The following NEMP2 variants were observed in gnomAD, a reference collection of about 807,000 sequenced individuals.
NEMP2 encodes the protein nuclear envelope integral membrane protein 2.
NEMP2 carries 53 observed loss-of-function variants against 54.2 expected under a neutral mutation model. That is an observed-to-expected ratio of 0.98 (90% CI 0.78 to 1.23). The LOEUF (loss-of-function observed/expected upper bound fraction) is 1.23, where lower values mean the gene tolerates loss of function less well. Ranked by LOEUF, NEMP2 falls within the 50% of genes most tolerant of loss-of-function variation. The pLI, the probability that NEMP2 is intolerant of heterozygous loss-of-function variation, is 0.00. For missense variants in NEMP2, 455 were observed against 511.3 expected (o/e 0.89, Z 1.06); for synonymous variants, 197 against 190.3 (o/e 1.04, Z -0.29).
At chr2:190,551,829 T>C in the NEMP2 span, among the ~76,000 whole-genome samples, 2 of 152,220 alleles carry the variant, frequency 1.3e-5, no homozygotes, top group Non-Finnish European at 1.5e-5. Context: ...TCTGTTGTTT[T>C]TATGTATTAA....
the NEMP2 span, among the ~76,000 whole-genome samples, chr2:190,569,731 TTAAG>T: frequency 6.6e-6 from 1 of 152,252 alleles, no homozygotes; most frequent in Non-Finnish European, 1.5e-5. Flanking sequence ...ATGTGAATAA[TTAAG>T]TCATTTTTTA....
At chr2:190,565,448 G>T in the NEMP2 span, among the ~76,000 whole-genome samples, 1 of 152,284 alleles carries the variant, frequency 6.6e-6, no homozygotes, top group Middle Eastern at 3.4e-3. Flanking sequence ...TCTTGGGTTG[G>T]GTTCCTTGAG....
At chr2:190,495,602 A>G in the NEMP2 span, among the ~76,000 whole-genome samples, 2 of 152,212 alleles carry the variant, frequency 1.3e-5, no homozygotes, top group East Asian at 3.8e-4. The surrounding 1 kb of genome is among the most constrained non-coding windows in gnomAD (Gnocchi z 4.7). Context: ...AAACTATACT[A>G]TAAGGCCATA....
chr2:190,502,718 G>A (rs1160447111), downstream of NEMP2, among the ~76,000 whole-genome samples: 3 of 152,142 alleles, frequency 2.0e-5, no homozygotes, highest in Non-Finnish European at 2.9e-5. This position sits in a 1 kb window ranked among gnomAD's most constrained non-coding sequence, Gnocchi z 4.4. Context: ...CATTACTTAG[G>A]CAATATTCCT....
At chr2:190,599,969 A>G in the NEMP2 span, among the ~76,000 whole-genome samples, 20 of 152,340 alleles carry the variant, frequency 1.3e-4, no homozygotes, top group East Asian at 2.1e-3. Context: ...TTATGGGAGC[A>G]CAGCGGCTTT....
chr2:190,583,432 C>T, the NEMP2 span, among the ~76,000 whole-genome samples: 3 of 152,154 alleles, frequency 2.0e-5, no homozygotes, highest in South Asian at 2.1e-4. Context: ...AGATTTTAAA[C>T]GCCTGTTTTG....
the NEMP2 span, among the ~76,000 whole-genome samples, chr2:190,447,271 T>C: frequency 6.6e-6 from 1 of 152,226 alleles, no homozygotes; most frequent in Non-Finnish European, 1.5e-5. The surrounding 1 kb of genome is among the most constrained non-coding windows in gnomAD (Gnocchi z 4.5). Flanking sequence ...GTTTTGCTTT[T>C]AGCCAAAAGG....
At chr2:190,450,521 C>G in the NEMP2 span, among the ~76,000 whole-genome samples, 1 of 87,636 alleles carries the variant, frequency 1.1e-5, no homozygotes, top group Non-Finnish European at 2.1e-5. Context: ...AGACAGGGGT[C>G]TCACTCTGTC....
chr2:190,544,974 A>G, the NEMP2 span, among the ~76,000 whole-genome samples: 1 of 150,868 alleles, frequency 6.6e-6, no homozygotes, highest in East Asian at 1.9e-4. Flanking sequence ...GTAGTGGCAC[A>G]CACCTGTAGT....
the NEMP2 span, among the ~76,000 whole-genome samples, chr2:190,478,932 G>A: frequency 6.6e-6 from 1 of 152,014 alleles, no homozygotes; most frequent in Non-Finnish European, 1.5e-5. Flanking sequence ...CTATCTAGAG[G>A]GTAGCTGAAA....
At chr2:190,560,175 G>C in the NEMP2 span, among the ~76,000 whole-genome samples, 3 of 152,208 alleles carry the variant, frequency 2.0e-5, no homozygotes, top group South Asian at 6.2e-4. This position sits in a 1 kb window ranked among gnomAD's most constrained non-coding sequence, Gnocchi z 5.4. Context: ...TCTTCAGCCT[G>C]GAAAGAGGAC....
At chr2:190,578,757 T>C in the NEMP2 span, among the ~76,000 whole-genome samples, 6 of 149,990 alleles carry the variant, frequency 4.0e-5, no homozygotes, top group African/African-American at 1.5e-4. The surrounding 1 kb of genome is among the most constrained non-coding windows in gnomAD (Gnocchi z 4.4). Flanking sequence ...TACAGCAGGG[T>C]GTGGAGTGCA....
the NEMP2 span, among the ~76,000 whole-genome samples, chr2:190,485,749 C>T: frequency 6.6e-6 from 1 of 151,290 alleles, no homozygotes; most frequent in African/African-American, 2.4e-5. This position sits in a 1 kb window ranked among gnomAD's most constrained non-coding sequence, Gnocchi z 5.1. Context: ...TATTTGACTT[C>T]TTAGGAAATT....
chr2:190,478,231 G>GTT, the NEMP2 span, among the ~76,000 whole-genome samples: 3 of 152,110 alleles, frequency 2.0e-5, no homozygotes, highest in Non-Finnish European at 4.4e-5. Flanking sequence ...CTAGCTACTG[G>GTT]TCTGAAGCCA....
At chr2:190,427,561 T>A in the NEMP2 span, among the ~76,000 whole-genome samples, 1 of 152,232 alleles carries the variant, frequency 6.6e-6, no homozygotes, top group Non-Finnish European at 1.5e-5. Context: ...ATACTTGTGT[T>A]GTTCCTTGGG....
Position 190,519,247 on chromosome 2 carries a change from G to T in NEMP2, c.214-64C>A. The T allele has an allele frequency of 3.5e-6, 4 of 1,158,400 alleles. No individual in the cohort carries two copies. The highest frequency in any genetic ancestry group is 4.9e-6 in the Non-Finnish European group (4 of 817,010). 71.8% of individuals were successfully genotyped at this position (1,158,400 alleles called of 1,614,324 possible). A position where few individuals can be genotyped will look rare whatever the true frequency, so the allele number is the denominator to read the frequency against. On this transcript the variant is annotated intron_variant, in intron 2 of 8. Coordinates refer to ENST00000409150, the MANE Select transcript of NEMP2 (RefSeq NM_001142645.2). The surrounding 1 kb of genome is among the most constrained non-coding windows in gnomAD (Gnocchi z 5.4). ...CTTCTCTTTTTTGTTTTGGAGACAG[G>T]GTCTCCCTCTGTTGCCCAGAATGGA...
At chr2:190,463,180 G>T in the NEMP2 span, among the ~76,000 whole-genome samples, 1 of 152,198 alleles carries the variant, frequency 6.6e-6, no homozygotes, top group African/African-American at 2.4e-5. The surrounding 1 kb of genome is among the most constrained non-coding windows in gnomAD (Gnocchi z 4.4). Context: ...GCTGGGAGGA[G>T]GGGGACAGTT....
the NEMP2 span, among the ~76,000 whole-genome samples, chr2:190,431,468 C>G: frequency 6.6e-5 from 10 of 152,344 alleles, no homozygotes; most frequent in South Asian, 8.3e-4. The surrounding 1 kb of genome is among the most constrained non-coding windows in gnomAD (Gnocchi z 4.4). Flanking sequence ...CTCTGGAGGC[C>G]GAGGCTGGCG....
chr2:190,556,999 A>G, the NEMP2 span, among the ~76,000 whole-genome samples: 1 of 152,246 alleles, frequency 6.6e-6, no homozygotes, highest in African/African-American at 2.4e-5. Context: ...TGGAACCACA[A>G]AAGAGCCCAC....
Sources: allele counts gnomAD v4.1 joint callset (sites outside exome capture counted in the v4.1 genomes callset), GRCh38; gene constraint gnomAD v4.1.1; non-coding constraint Gnocchi (gnomAD v3.1); transcripts MANE v1.5; gene names NCBI Gene and HGNC (gene_info 2026-07-23, HGNC 2026-07-21).